Variants in TMEM243 observed in about 807,000 individuals in gnomAD.
TMEM243 encodes MDR1 and mitochondrial taxol resistance associated.
In TMEM243, 20 loss-of-function variants were observed where a neutral mutation model predicts 15.0. The observed-to-expected ratio is 1.33, with a 90% confidence interval of 0.94 to 1.93. The LOEUF (loss-of-function observed/expected upper bound fraction) is 1.93, where lower values mean the gene tolerates loss of function less well. Ranked by LOEUF, TMEM243 falls within the 30% of genes most tolerant of loss-of-function variation. The probability of loss-of-function intolerance (pLI) is 0.00; values close to 1 mark genes in which losing one functional copy is unlikely to be tolerated. For missense variants in TMEM243, 156 were observed against 142.1 expected, an observed-to-expected ratio of 1.10 and a Z score of -0.50; for synonymous variants, 72 against 52.7, an observed-to-expected ratio of 1.37 and a Z score of -1.59.
At chr7:87,197,694 T>C (rs968605559) in intron 3 of TMEM243, 1 of 990,376 alleles carries the variant, frequency 1.0e-6, no homozygotes, top group South Asian at 4.1e-5. Context: ...ACTAATTTTT[T>C]TTTTTTTTTT....
chr7:87,203,391 T>C (rs1203800233), intron 1 of TMEM243, among the ~76,000 whole-genome samples: 1 of 152,084 alleles, frequency 6.6e-6, no homozygotes, highest in Non-Finnish European at 1.5e-5. Flanking sequence ...GGTGGGAGGA[T>C]CACTTGAGTT....
chr7:87,205,770 C>T (rs1802175242), intron 1 of TMEM243, among the ~76,000 whole-genome samples: 1 of 152,174 alleles, frequency 6.6e-6, no homozygotes, highest in Admixed American at 6.5e-5. Flanking sequence ...ATCTTCCTGT[C>T]TTGTGAGCCC....
At position 87,206,610 on chromosome 7, in the gene TMEM243, C is replaced by T. The variant is rs531842908; in HGVS notation, c.79-7553G>A. 5.9e-5 allele frequency among the ~76,000 whole-genome samples: 9 copies of T among 152,304 alleles called. No homozygotes were observed. In the South Asian group the frequency reaches 1.7e-3, roughly 28 times the overall value. On this transcript the variant is annotated intron_variant, in intron 1 of 3. Coordinates refer to ENST00000257637, the MANE Select transcript of TMEM243 (RefSeq NM_024315.4). ...TACTGGACAAAGGGATGATTCACAT[C>T]CCCAGCAGGAGCAGGACAGAGTGAG...
intron 1 of TMEM243, among the ~76,000 whole-genome samples, chr7:87,216,403 G>A (rs1189622696): frequency 6.6e-6 from 1 of 152,050 alleles, no homozygotes; most frequent in East Asian, 1.9e-4. Context: ...CCGTGGTCAG[G>A]CCACTGCACT....
intron 1 of TMEM243, among the ~76,000 whole-genome samples, chr7:87,215,421 TA>T (rs1803034903): frequency 1.3e-5 from 2 of 152,192 alleles, no homozygotes; most frequent in South Asian, 2.1e-4. Context: ...TTTTTTTAAA[TA>T]TTGATTATAT....
chr7:87,216,007 A>G (rs563383525), intron 1 of TMEM243, among the ~76,000 whole-genome samples: 137 of 152,238 alleles, frequency 9.0e-4, no homozygotes, highest in Middle Eastern at 3.4e-3. Context: ...GTGGTGGCTC[A>G]CGCCTGTAAT....
intron 1 of TMEM243, among the ~76,000 whole-genome samples, chr7:87,206,632 T>C (rs544068516): frequency 6.6e-6 from 1 of 152,010 alleles, no homozygotes; most frequent in South Asian, 2.1e-4. Context: ...CAGGACAGAG[T>C]GAGAGTTAAT....
chr7:87,198,394 CAA>C (rs1562876083), intron 2 of TMEM243: 1 of 211,042 alleles, frequency 4.7e-6, no homozygotes, highest in East Asian at 1.2e-4. Flanking sequence ...TGAATATAAT[CAA>C]AGCTGGTTTT....
At chr7:87,207,659 T>C (rs985892638) in intron 1 of TMEM243, among the ~76,000 whole-genome samples, 22 of 152,148 alleles carry the variant, frequency 1.4e-4, no homozygotes, top group African/African-American at 5.3e-4. Context: ...CCCTACTACA[T>C]TCTTGAGGGA....
At chr7:87,205,172 A>G (rs984223930) in intron 1 of TMEM243, among the ~76,000 whole-genome samples, 2 of 152,214 alleles carry the variant, frequency 1.3e-5, no homozygotes, top group Non-Finnish European at 2.9e-5. Flanking sequence ...GCCTGGGCCC[A>G]GCCCACAAAA....
At chr7:87,215,651 T>C (rs1299342645) in intron 1 of TMEM243, among the ~76,000 whole-genome samples, 2 of 152,118 alleles carry the variant, frequency 1.3e-5, no homozygotes, top group African/African-American at 2.4e-5. Flanking sequence ...TTGGTATCTG[T>C]GCCATATTTT....
intron 1 of TMEM243, among the ~76,000 whole-genome samples, chr7:87,208,122 C>G (rs577183600): frequency 6.6e-6 from 1 of 152,224 alleles, no homozygotes; most frequent in South Asian, 2.1e-4. Flanking sequence ...CCTCCCAAAT[C>G]TCATGTCCTC....
intron 1 of TMEM243, among the ~76,000 whole-genome samples, chr7:87,210,590 G>C (rs1802675326): frequency 6.6e-6 from 1 of 152,238 alleles, no homozygotes; most frequent in South Asian, 2.1e-4. Flanking sequence ...AACCCAGCAG[G>C]GCAGTCATTA....
At chr7:87,197,771 G>A (rs1801441966) in intron 3 of TMEM243, 170 bp downstream of exon 3, 5 of 1,361,026 alleles carry the variant, frequency 3.7e-6, no homozygotes, top group Non-Finnish European at 9.5e-7. Flanking sequence ...GGATTTAGGA[G>A]AAAAGGAGAA....
chr7:87,205,163 C>G (rs1802111812), intron 1 of TMEM243, among the ~76,000 whole-genome samples: 2 of 152,218 alleles, frequency 1.3e-5, no homozygotes, highest in South Asian at 4.1e-4. Flanking sequence ...CAGAGGGGGG[C>G]CTGGGCCCAG....
rs183031737 is a variant in TMEM243, at chr7:87,204,993, C to T, written c.79-5936G>A. 7.9e-4 allele frequency among the ~76,000 whole-genome samples: 120 copies of T among 152,366 alleles called. 1 individual carries two copies. The highest frequency in any genetic ancestry group is 1.4e-3 in the Non-Finnish European group (95 of 68,040). Reference sequence around the variant, plus strand: ...CCTCTAAAATCTAGGCAAAGGTTCCCAAACCTCAATTCTTGACTTCTGCGC... The same window carrying T: ...CCTCTAAAATCTAGGCAAAGGTTCCTAAACCTCAATTCTTGACTTCTGCGC... On this transcript the variant is annotated intron_variant, in intron 1 of 3. Coordinates refer to ENST00000257637, the MANE Select transcript of TMEM243 (RefSeq NM_024315.4).
chr7:87,219,748 C>T (rs1309386757), upstream of TMEM243: 2 of 540,752 alleles, frequency 3.7e-6, no homozygotes, highest in Non-Finnish European at 6.5e-6. Context: ...GAAACAAACA[C>T]TGCGTGGCAG....
intron 1 of TMEM243, among the ~76,000 whole-genome samples, chr7:87,200,072 C>T (rs764734699): frequency 9.9e-5 from 15 of 152,256 alleles, no homozygotes; most frequent in Middle Eastern, 3.4e-3. Flanking sequence ...ACCGAATTCT[C>T]ATTTCCAAGT....
Position 87,198,049 on chromosome 7 carries a change from T to G in TMEM243, c.130-4A>C, listed in dbSNP as rs760877988. ...CAAAAGCACTTATCAGCGTTACCTG[T>G]ATGAAGAGAAATTATGTAAGGCCTT... is the stretch of plus-strand genomic sequence containing the variant. On this transcript the variant is annotated splice_polypyrimidine_tract_variant and splice_region_variant and intron_variant, in intron 2 of 3. Coordinates refer to ENST00000257637, the MANE Select transcript of TMEM243 (RefSeq NM_024315.4). 1.2e-5 allele frequency: 19 copies of G among 1,610,488 alleles called. No individual in the cohort carries two copies. Among genetic ancestry groups the G allele is most frequent in the Non-Finnish European group, 1.5e-5 (18 of 1,177,894 alleles).
Sources: gnomAD v4.1 joint callset for allele counts (sites outside exome capture counted in the v4.1 genomes callset) on GRCh38, gnomAD v4.1.1 for gene constraint, MANE v1.5 for transcripts, NCBI Gene and HGNC (gene_info 2026-07-23, HGNC 2026-07-21) for gene names.